Variants in CPA6 observed in about 807,000 individuals in gnomAD.
The protein encoded by CPA6 is carboxypeptidase B.
Under a neutral mutation model 63.3 loss-of-function variants are expected in CPA6, and 58 were observed. The observed-to-expected ratio is 0.92, with a 90% CI of 0.74 to 1.14. The LOEUF is 1.14. Ranked by LOEUF, CPA6 falls within the 50% of genes most tolerant of loss-of-function variation. The pLI, the probability that CPA6 is intolerant of heterozygous loss-of-function variation, is 0.00. For synonymous variants in CPA6, 185 were observed against 179.0 expected, an observed-to-expected ratio of 1.03 and a Z score of -0.27; for missense variants, 565 against 526.6, an observed-to-expected ratio of 1.07 and a Z score of -0.71.
intron 2 of CPA6, among the ~76,000 whole-genome samples, chr8:67,605,065 A>G (rs1814594559): frequency 6.8e-6 from 1 of 147,078 alleles, no homozygotes; most frequent in Non-Finnish European, 1.5e-5. Context: ...GCCATGAGCC[A>G]CTGTGCCCAG....
chr8:67,570,937 G>T (rs1813471274), intron 2 of CPA6, among the ~76,000 whole-genome samples: 1 of 152,072 alleles, frequency 6.6e-6, no homozygotes, highest in Non-Finnish European at 1.5e-5. Context: ...ACAACTATAT[G>T]CTATCTACAA....
chr8:67,723,298 G>A (rs745649523), intron 1 of CPA6, among the ~76,000 whole-genome samples: 2 of 151,784 alleles, frequency 1.3e-5, no homozygotes, highest in Non-Finnish European at 2.9e-5. Flanking sequence ...AAGGGTGTGA[G>A]GATCTTAACT....
chr8:67,455,111 A>G (rs1477323704), intron 8 of CPA6, among the ~76,000 whole-genome samples: 1 of 152,192 alleles, frequency 6.6e-6, no homozygotes, highest in East Asian at 1.9e-4. Flanking sequence ...TGATTCTGTG[A>G]ACCCTAGCTT....
At chr8:67,502,773 G>A (rs1019793617) in intron 6 of CPA6, among the ~76,000 whole-genome samples, 1 of 152,086 alleles carries the variant, frequency 6.6e-6, no homozygotes, top group Admixed American at 6.5e-5. Context: ...ATTTCCAAGT[G>A]TTTGGAGATT....
chr8:67,660,402 T>G (rs2128992803), intron 1 of CPA6, among the ~76,000 whole-genome samples: 1 of 142,544 alleles, frequency 7.0e-6, no homozygotes. Context: ...CAATCTTGGC[T>G]CACTGCAGCC....
At chr8:67,669,397 T>C (rs1203927200) in intron 1 of CPA6, among the ~76,000 whole-genome samples, 2 of 152,204 alleles carry the variant, frequency 1.3e-5, no homozygotes, top group Non-Finnish European at 2.9e-5. Context: ...TAAAAGTGGT[T>C]TGATGGTTGA....
At chr8:67,436,497 T>C (rs1428815979) in intron 8 of CPA6, among the ~76,000 whole-genome samples, 1 of 151,980 alleles carries the variant, frequency 6.6e-6, no homozygotes, top group African/African-American at 2.4e-5. Context: ...GATACAAATA[T>C]TGATATAGCA....
intron 2 of CPA6, among the ~76,000 whole-genome samples, chr8:67,610,389 A>AAG: frequency 6.6e-6 from 1 of 152,198 alleles, no homozygotes. Context: ...AGAAAAAAAA[A>AAG]AGAGAGAAAA....
At chr8:67,536,995 A>C (rs1016599549) in intron 2 of CPA6, among the ~76,000 whole-genome samples, 1 of 152,108 alleles carries the variant, frequency 6.6e-6, no homozygotes, top group African/African-American at 2.4e-5. Flanking sequence ...GATGAATTAC[A>C]TTTGTTGATT....
chr8:67,624,127 A>C lies in CPA6; in HGVS notation c.192+49T>G, dbSNP rs144873371. On this transcript the variant is annotated intron_variant, in intron 2 of 10. Coordinates refer to ENST00000297770, the MANE Select transcript of CPA6 (RefSeq NM_020361.5). ...CAACTCCAGTCAGCAAATCCCTGTA[A>C]ACACTCCACAAGCACAATTCTACCA... 1.4e-3 allele frequency: 1,592 copies of C among 1,152,554 alleles called. 11 individuals carry two copies. In the African/African-American group the frequency reaches 0.02, roughly 14 times the overall value. The allele number at this position is 1,152,554 out of a possible 1,614,324, so 71.4% of individuals were successfully genotyped here.
intron 2 of CPA6, among the ~76,000 whole-genome samples, chr8:67,602,223 C>T (rs1814514442): frequency 1.3e-5 from 2 of 151,800 alleles, no homozygotes; most frequent in South Asian, 4.2e-4. Context: ...ATGTATATAC[C>T]TACAAATTTA....
chr8:67,669,814 A>C (rs1037306078), intron 1 of CPA6, among the ~76,000 whole-genome samples: 6 of 151,238 alleles, frequency 4.0e-5, no homozygotes, highest in African/African-American at 2.4e-5. Flanking sequence ...AAACAACCCC[A>C]AAAAACAGAG....
chr8:67,692,838 C>G (rs1367749879), intron 1 of CPA6, among the ~76,000 whole-genome samples: 1 of 152,150 alleles, frequency 6.6e-6, no homozygotes, highest in South Asian at 2.1e-4. Flanking sequence ...CAAATTAATA[C>G]CCAAGGTAGC....
chr8:67,668,396 C>T (rs984079622), intron 1 of CPA6, among the ~76,000 whole-genome samples: 10 of 152,222 alleles, frequency 6.6e-5, no homozygotes, highest in Non-Finnish European at 1.5e-4. Flanking sequence ...CACACACAGG[C>T]AGTTCTCTAC....
intron 8 of CPA6, among the ~76,000 whole-genome samples, chr8:67,478,598 T>A (rs1438167624): frequency 6.6e-6 from 1 of 152,076 alleles, no homozygotes; most frequent in Non-Finnish European, 1.5e-5. Flanking sequence ...CACTGCAGAG[T>A]TGCTTGGGGT....
At chr8:67,496,491 A>G (rs1811712455) in intron 6 of CPA6, among the ~76,000 whole-genome samples, 1 of 144,174 alleles carries the variant, frequency 6.9e-6, no homozygotes, top group Non-Finnish European at 1.5e-5. Context: ...ATATTTACAG[A>G]GTTGTGCAAC....
At chr8:67,433,786 G>C (rs776044847) in intron 9 of CPA6, among the ~76,000 whole-genome samples, 1 of 152,192 alleles carries the variant, frequency 6.6e-6, no homozygotes, top group Non-Finnish European at 1.5e-5. Context: ...TCCTGGCTAT[G>C]AGACTTAGTA....
At chr8:67,607,249 CTT>C (rs1221181299) in intron 2 of CPA6, among the ~76,000 whole-genome samples, 87 of 119,004 alleles carry the variant, frequency 7.3e-4, no homozygotes, top group East Asian at 1.8e-3. Flanking sequence ...TCTTCTTCTT[CTT>C]CTCCTCCTCC....
chr8:67,627,250 G>A (rs1200799946), intron 1 of CPA6, among the ~76,000 whole-genome samples: 1 of 152,112 alleles, frequency 6.6e-6, no homozygotes, highest in East Asian at 1.9e-4. Flanking sequence ...CAAATGCCCT[G>A]TTTGTTTCAC....
Sources: gnomAD v4.1 joint callset for allele counts (sites outside exome capture counted in the v4.1 genomes callset) on GRCh38, gnomAD v4.1.1 for gene constraint, MANE v1.5 for transcripts, NCBI Gene and HGNC (gene_info 2026-07-23, HGNC 2026-07-21) for gene names.